Variants in DDC observed in about 807,000 individuals in gnomAD.
DDC encodes the protein aromatic-L-amino-acid decarboxylase.
A neutral mutation model predicts 60.0 loss-of-function variants in DDC; 43 were observed. That is an observed-to-expected ratio of 0.72 (90% confidence interval 0.56 to 0.92). The LOEUF (loss-of-function observed/expected upper bound fraction) is 0.92. Ranked by LOEUF, DDC falls within the 40% of genes least tolerant of loss-of-function variation. The pLI is 0.00. For synonymous variants in DDC, 232 were observed against 234.6 expected, an observed-to-expected ratio of 0.99 and a Z score of 0.10; for missense variants, 573 against 620.2, an observed-to-expected ratio of 0.92 and a Z score of 0.81.
chr7:50,521,105 A>G (rs866370157), intron 6 of DDC, among the ~76,000 whole-genome samples: 1 of 152,022 alleles, frequency 6.6e-6, no homozygotes, highest in Non-Finnish European at 1.5e-5. Context: ...TGCTAATATC[A>G]GAAAGGAAAG....
At chr7:50,518,408 CA>C (rs1167322874) in intron 6 of DDC, among the ~76,000 whole-genome samples, 26 of 151,762 alleles carry the variant, frequency 1.7e-4, no homozygotes, top group Non-Finnish European at 4.4e-5. Flanking sequence ...CATATGAAAC[CA>C]AAAAAGAGCC....
intron 1 of DDC, among the ~76,000 whole-genome samples, chr7:50,549,218 A>G (rs2044902069): frequency 6.6e-6 from 1 of 152,356 alleles, no homozygotes; most frequent in African/African-American, 2.4e-5. Flanking sequence ...CATTGATCAA[A>G]GAGTAATTTA....
chr7:50,502,323 C>T (rs535570847), intron 7 of DDC, among the ~76,000 whole-genome samples: 5 of 152,310 alleles, frequency 3.3e-5, no homozygotes, highest in Middle Eastern at 3.4e-3. Flanking sequence ...GCAGGTGACA[C>T]ACGCTGGCTG....
chr7:50,544,186 C>A, intron 1 of DDC, 73 bp from the exon 2 acceptor site: 2 of 1,179,874 alleles, frequency 1.7e-6, no homozygotes, highest in East Asian at 2.4e-5. Flanking sequence ...CCAAGCAAGC[C>A]GTGGGTAGGG....
At chr7:50,512,788 T>C (rs1322215484) in intron 6 of DDC, among the ~76,000 whole-genome samples, 1 of 152,188 alleles carries the variant, frequency 6.6e-6, no homozygotes, top group African/African-American at 2.4e-5. Flanking sequence ...CCAGTGCCTT[T>C]TTCCCCCCTT....
intron 9 of DDC, 35 bp from the exon 10 acceptor site, chr7:50,479,898 C>T (rs1192278516): frequency 3.8e-6 from 6 of 1,572,746 alleles, no homozygotes; most frequent in Non-Finnish European, 5.2e-6. Flanking sequence ...GGCTGATAAC[C>T]AAGTACCCTA....
intron 6 of DDC, among the ~76,000 whole-genome samples, chr7:50,517,346 T>G (rs537192816): frequency 6.6e-6 from 1 of 152,268 alleles, no homozygotes; most frequent in African/African-American, 2.4e-5. Context: ...TAGATGCAGA[T>G]GCAGAAAAAG....
intron 1 of DDC, among the ~76,000 whole-genome samples, chr7:50,562,363 G>A (rs1482249185): frequency 1.3e-5 from 2 of 152,238 alleles, no homozygotes; most frequent in Non-Finnish European, 2.9e-5. Flanking sequence ...TCTGCACAGA[G>A]GGCAAGATGG....
intron 9 of DDC, among the ~76,000 whole-genome samples, chr7:50,491,976 G>A (rs1225778270): frequency 6.6e-6 from 1 of 152,188 alleles, no homozygotes; most frequent in African/African-American, 2.4e-5. Context: ...ATTGAGACCT[G>A]TCTCAGATAC....
At chr7:50,498,469 A>G (rs542932923) in intron 8 of DDC, among the ~76,000 whole-genome samples, 13 of 152,312 alleles carry the variant, frequency 8.5e-5, no homozygotes, top group African/African-American at 3.1e-4. Flanking sequence ...GAGACTTCCT[A>G]CCCTATGAGC....
intron 1 of DDC, among the ~76,000 whole-genome samples, chr7:50,551,294 G>A (rs2044985145): frequency 6.7e-6 from 1 of 148,444 alleles, no homozygotes; most frequent in South Asian, 2.1e-4. Flanking sequence ...GCAGTGGTGT[G>A]ATCTGGGCTC....
At chr7:50,552,244 G>T (rs1363164906) in intron 1 of DDC, among the ~76,000 whole-genome samples, 2 of 152,222 alleles carry the variant, frequency 1.3e-5, no homozygotes, top group African/African-American at 4.8e-5. Context: ...CCCCCAAGCT[G>T]TGTAAATATT....
chr7:50,493,076 A>AT (rs1188143303), intron 9 of DDC: 1 of 1,306,696 alleles, frequency 7.7e-7, no homozygotes, highest in Non-Finnish European at 1.1e-6. Context: ...AAGATTAGGG[A>AT]CCCAAAATAT....
intron 2 of DDC, chr7:50,543,017 T>A (rs1239865406): frequency 6.6e-6 from 1 of 152,412 alleles, no homozygotes; most frequent in African/African-American, 2.4e-5. Context: ...TCACATGTCG[T>A]TGCTCATAGG....
chr7:50,468,223 G>C (rs1213885046), intron 12 of DDC, among the ~76,000 whole-genome samples: 1 of 152,224 alleles, frequency 6.6e-6, no homozygotes, highest in South Asian at 2.1e-4. Flanking sequence ...CAAAGACCTC[G>C]GCCTCATGGG....
chr7:50,559,374 C>A (rs1305471090), intron 1 of DDC, among the ~76,000 whole-genome samples: 2 of 152,044 alleles, frequency 1.3e-5, no homozygotes, highest in African/African-American at 4.8e-5. Flanking sequence ...CCCTGAATGT[C>A]TTCCTCCAGA....
chr7:50,470,031 C>A (rs1236376999), intron 12 of DDC, 42 bp downstream of exon 12: 1 of 1,245,094 alleles, frequency 8.0e-7, no homozygotes, highest in East Asian at 2.3e-5. Flanking sequence ...TCCCGAAAGA[C>A]CTCCGCAATT....
intron 2 of DDC, chr7:50,543,567 T>C: frequency 2.5e-6 from 1 of 406,106 alleles, no homozygotes; most frequent in Non-Finnish European, 4.7e-6. Flanking sequence ...CTTCCTAATG[T>C]ATATGAGGAC....
chr7:50,517,699 C>G lies in DDC; in HGVS notation c.714+10438G>C, dbSNP rs191432533. On this transcript the variant is annotated intron_variant, in intron 6 of 14. Coordinates refer to ENST00000444124, the MANE Select transcript of DDC (RefSeq NM_001082971.2). The stretch of plus-strand genomic sequence containing the variant: ...ATCCTAAAGACTCCTCCAGAAAGCT[C>G]CTAAAACTGATAAAAGAATTCAGCA... 9.3e-4 allele frequency among the ~76,000 whole-genome samples: 141 copies of G among 152,100 alleles called. 2 individuals are homozygous for G. The highest frequency in any genetic ancestry group is 1.7e-3 in the Admixed American group (26 of 15,272).
Sources: gnomAD v4.1 joint callset for allele counts (sites outside exome capture counted in the v4.1 genomes callset) on GRCh38, gnomAD v4.1.1 for gene constraint, MANE v1.5 for transcripts, NCBI Gene and HGNC (gene_info 2026-07-23, HGNC 2026-07-21) for gene names.